DPP10: variants seen among roughly 807,000 people sequenced by gnomAD.
DPP10 encodes the protein inactive dipeptidyl peptidase 10.
Under a neutral mutation model 120.9 loss-of-function variants are expected in DPP10, and 33 were observed. That is an observed-to-expected ratio of 0.27 (90% confidence interval 0.21 to 0.37). The LOEUF (loss-of-function observed/expected upper bound fraction) is 0.37, where lower values mean the gene tolerates loss of function less well. Ranked by LOEUF, DPP10 falls within the 10% of genes least tolerant of loss-of-function variation. The pLI is 1.00. For missense variants in DPP10, 816 were observed against 942.8 expected (o/e 0.87, Z 1.76); for synonymous variants, 337 against 326.1 (o/e 1.03, Z -0.36).
chr2:114,996,117 A>G (rs1055045804), intron 1 of DPP10, among the ~76,000 whole-genome samples: 1 of 152,228 alleles, frequency 6.6e-6, no homozygotes, highest in Non-Finnish European at 1.5e-5. Context: ...TCCAAAAGTA[A>G]TAAACATCAA....
At chr2:114,858,814 T>TA (rs1469930483) in intron 1 of DPP10, among the ~76,000 whole-genome samples, 4 of 152,140 alleles carry the variant, frequency 2.6e-5, no homozygotes, top group Admixed American at 6.6e-5. Context: ...TTTTAATATT[T>TA]ACATTTTACA....
At chr2:115,006,284 C>G (rs952737692) in intron 1 of DPP10, among the ~76,000 whole-genome samples, 2 of 151,976 alleles carry the variant, frequency 1.3e-5, no homozygotes, top group Non-Finnish European at 2.9e-5. Context: ...TAAAGACCAT[C>G]GAGACTAGGA....
intron 1 of DPP10, among the ~76,000 whole-genome samples, chr2:114,910,926 G>C (rs1419958678): frequency 6.6e-6 from 1 of 152,052 alleles, no homozygotes; most frequent in Non-Finnish European, 1.5e-5. Flanking sequence ...CTTTGAAGAA[G>C]TATATGGCTT....
rs1433281889 is a variant in DPP10 at position 114,455,904 on chromosome 2, T to C, written c.60+13066T>C. On this transcript the variant is annotated intron_variant, in intron 1 of 25. Coordinates refer to ENST00000410059, the MANE Select transcript of DPP10 (RefSeq NM_020868.6). ...CTTAATTTTTTGAATGCAAAAGAGG[T>C]AGAACTGGGCCTACTACTCAGTCGT... is the stretch of plus-strand genomic sequence containing the variant. Among the ~76,000 whole-genome samples, 9 of 152,236 alleles carry C rather than the reference T, an allele frequency of 5.9e-5. No individual in the cohort carries two copies. The East Asian group carries it at 1.7e-3, about 29-fold the overall frequency.
intron 14 of DPP10, 41 bp downstream of exon 14, chr2:115,777,340 T>C: frequency 6.5e-7 from 1 of 1,531,586 alleles, no homozygotes; most frequent in Non-Finnish European, 9.0e-7. Context: ...CAAGTTAGCG[T>C]TGTCAAATGC....
intron 1 of DPP10, among the ~76,000 whole-genome samples, chr2:114,996,622 A>C (rs1701101740): frequency 6.6e-6 from 1 of 152,160 alleles, no homozygotes; most frequent in Non-Finnish European, 1.5e-5. Flanking sequence ...CACAGTTTTT[A>C]ATGTACATTA....
intron 1 of DPP10, among the ~76,000 whole-genome samples, chr2:114,709,393 G>A (rs1700884240): frequency 6.6e-6 from 1 of 151,994 alleles, no homozygotes; most frequent in African/African-American, 2.4e-5. Flanking sequence ...ACTCATTTTT[G>A]GCTTGTCAAC....
intron 1 of DPP10, among the ~76,000 whole-genome samples, chr2:114,486,912 GT>G (rs902275086): frequency 1.6e-4 from 24 of 152,196 alleles, no homozygotes; most frequent in African/African-American, 5.8e-4. Flanking sequence ...TTAAAGTTGA[GT>G]TTTTCTGAAT....
intron 2 of DPP10, among the ~76,000 whole-genome samples, chr2:115,339,032 G>T (rs926722274): frequency 2.6e-5 from 4 of 152,076 alleles, no homozygotes; most frequent in African/African-American, 7.2e-5. Context: ...AGACTGGAGG[G>T]AAATATTTGA....
At position 115,445,656 on chromosome 2, in the gene DPP10, G is replaced by A. The variant is rs144822286; in HGVS notation, c.272-53854G>A. 5.1e-3 allele frequency among the ~76,000 whole-genome samples: 781 copies of A among 152,208 alleles called. 8 individuals carry two copies. The highest frequency in any genetic ancestry group is 0.018 in the African/African-American group (741 of 41,518). The stretch of plus-strand genomic sequence containing the variant: ...TATCTGGTGGAAGAAATTTCTAAGC[G>A]GCAAAGCATTCAAGAGGTGACAGAG... On this transcript the variant is annotated intron_variant, in intron 3 of 25. Coordinates refer to ENST00000410059, the MANE Select transcript of DPP10 (RefSeq NM_020868.6).
chr2:115,018,992 A>C (rs1702873078), intron 1 of DPP10, among the ~76,000 whole-genome samples: 1 of 151,956 alleles, frequency 6.6e-6, no homozygotes, highest in Non-Finnish European at 1.5e-5. Context: ...CAGCTGCTGC[A>C]GCAGGACCCA....
At chr2:115,567,457 T>C (rs1466503022) in intron 5 of DPP10, among the ~76,000 whole-genome samples, 2 of 152,138 alleles carry the variant, frequency 1.3e-5, no homozygotes, top group African/African-American at 4.8e-5. Flanking sequence ...ATCCCTTTGA[T>C]TCCTTTTGCA....
intron 12 of DPP10, among the ~76,000 whole-genome samples, chr2:115,767,385 G>GA (rs1553503199): frequency 6.6e-6 from 1 of 151,932 alleles, no homozygotes; most frequent in Admixed American, 6.6e-5. Context: ...AGTCCAGCAG[G>GA]AAAAACTCAA....
At chr2:115,762,708 C>A in intron 12 of DPP10, 98 bp downstream of exon 12, 2 of 1,389,188 alleles carry the variant, frequency 1.4e-6, no homozygotes, top group Non-Finnish European at 2.0e-6. Context: ...GAGTTTAAGG[C>A]TTTGCTAGGT....
At chr2:114,495,442 G>A (rs1682430246) in intron 1 of DPP10, among the ~76,000 whole-genome samples, 1 of 152,100 alleles carries the variant, frequency 6.6e-6, no homozygotes, top group Non-Finnish European at 1.5e-5. Flanking sequence ...CTGGGAAATT[G>A]TTTGAAAGCA....
At chr2:115,695,186 G>C (rs2091518971) in intron 7 of DPP10, among the ~76,000 whole-genome samples, 1 of 152,166 alleles carries the variant, frequency 6.6e-6, no homozygotes, top group African/African-American at 2.4e-5. Context: ...TACATGCACA[G>C]GGAAAGATGC....
At chr2:115,657,075 C>G (rs575136515) in intron 5 of DPP10, among the ~76,000 whole-genome samples, 1 of 151,514 alleles carries the variant, frequency 6.6e-6, no homozygotes. Context: ...ATACATTTTC[C>G]CATCCTAAGA....
chr2:114,489,749 C>A (rs2104721236), intron 1 of DPP10, among the ~76,000 whole-genome samples: 1 of 152,188 alleles, frequency 6.6e-6, no homozygotes, highest in South Asian at 2.1e-4. Context: ...TTATACATAA[C>A]AAGTGATTAT....
At chr2:114,801,840 G>A (rs1402919990) in intron 1 of DPP10, among the ~76,000 whole-genome samples, 1 of 152,038 alleles carries the variant, frequency 6.6e-6, no homozygotes, top group Non-Finnish European at 1.5e-5. Flanking sequence ...CCAGATGCTT[G>A]GATTCATGTA....
Sources: gnomAD v4.1 joint callset for allele counts (sites outside exome capture counted in the v4.1 genomes callset) on GRCh38, gnomAD v4.1.1 for gene constraint, MANE v1.5 for transcripts, NCBI Gene and HGNC (gene_info 2026-07-23, HGNC 2026-07-21) for gene names.